PARD3B: variants seen among roughly 807,000 people sequenced by gnomAD.
The protein encoded by PARD3B is par-3 family cell polarity regulator beta, also known as partitioning defective 3 homolog B.
In PARD3B, 103 loss-of-function variants were observed where a neutral mutation model predicts 130.2. The ratio of observed to expected loss-of-function variants is 0.79; its 90% CI spans 0.67 to 0.93. PARD3B has a LOEUF of 0.93. PARD3B is among the 40% of genes least tolerant of loss of function. PARD3B has a pLI of 0.00. For missense variants in PARD3B, 1,609 were observed against 1,499.2 expected (o/e 1.07, Z -1.21); for synonymous variants, 583 against 553.2 (o/e 1.05, Z -0.76).
intron 10 of PARD3B, among the ~76,000 whole-genome samples, chr2:205,154,855 T>G (rs544085532): frequency 4.6e-5 from 7 of 151,998 alleles, no homozygotes; most frequent in Non-Finnish European, 1.0e-4. Flanking sequence ...ATGAGAACAG[T>G]TGGACACAGG....
At chr2:204,955,734 C>G (rs1238725200) in intron 2 of PARD3B, among the ~76,000 whole-genome samples, 1 of 152,100 alleles carries the variant, frequency 6.6e-6, no homozygotes, top group African/African-American at 2.4e-5. Context: ...AATACAGTGC[C>G]TAGCACATAG....
intron 13 of PARD3B, among the ~76,000 whole-genome samples, chr2:205,185,421 T>G (rs984635564): frequency 3.3e-5 from 5 of 152,204 alleles, no homozygotes; most frequent in Admixed American, 6.5e-5. Context: ...ACAAAAATAT[T>G]AAGGCATAAA....
At chr2:204,771,124 G>A (rs955151532) in intron 2 of PARD3B, among the ~76,000 whole-genome samples, 11 of 152,160 alleles carry the variant, frequency 7.2e-5, no homozygotes, top group Middle Eastern at 6.8e-3. Flanking sequence ...AGGAAACCAG[G>A]CCTTTGTTAG....
Position 205,269,286 on chromosome 2 carries a change from G to A in PARD3B, c.2185+23464G>A, listed in dbSNP as rs2040627721. On this transcript the variant is annotated intron_variant, in intron 16 of 22. Coordinates refer to ENST00000406610, the MANE Select transcript of PARD3B (RefSeq NM_001302769.2). The surrounding 1 kb of genome is among the most constrained non-coding windows in gnomAD (Gnocchi z 4.7). ...TGAGTATTTTATTCAAAACTTTTTG[G>A]TACTTAATCCTATAAAAATAATGAC... 6.6e-6 allele frequency among the ~76,000 whole-genome samples: 1 copy of A among 151,928 alleles called. No homozygotes were observed. The highest frequency in any genetic ancestry group is 1.5e-5 in the Non-Finnish European group (1 of 67,968).
At chr2:205,414,550 A>T (rs564227397) in intron 19 of PARD3B, among the ~76,000 whole-genome samples, 1 of 152,136 alleles carries the variant, frequency 6.6e-6, no homozygotes, top group Non-Finnish European at 1.5e-5. Flanking sequence ...AATTACCTTG[A>T]TTATAATAGT....
intron 8 of PARD3B, among the ~76,000 whole-genome samples, chr2:205,123,561 A>G (rs564423886): frequency 2.0e-5 from 3 of 152,072 alleles, no homozygotes; most frequent in South Asian, 2.1e-4. Context: ...TGGGAGGACA[A>G]TGAGTAAGAT....
intron 16 of PARD3B, among the ~76,000 whole-genome samples, chr2:205,262,711 T>G (rs1167485988): frequency 6.6e-6 from 1 of 152,072 alleles, no homozygotes; most frequent in African/African-American, 2.4e-5. Context: ...GAAGTCACAC[T>G]AAACACTATG....
intron 1 of PARD3B, among the ~76,000 whole-genome samples, chr2:204,605,226 G>A (rs1360680985): frequency 6.6e-6 from 1 of 152,038 alleles, no homozygotes; most frequent in African/African-American, 2.4e-5. Context: ...CAAGGAGAGG[G>A]GAATTAGACT....
In PARD3B at chr2:205,196,598, C is replaced by T. The variant is rs112771512; in HGVS notation, c.2140+3278C>T. 8.1e-3 allele frequency among the ~76,000 whole-genome samples: 1,225 copies of T among 151,888 alleles called. 17 individuals carry two copies. The highest frequency in any genetic ancestry group is 0.014 in the African/African-American group (574 of 41,444). On this transcript the variant is annotated intron_variant, in intron 15 of 22. Coordinates refer to ENST00000406610, the MANE Select transcript of PARD3B (RefSeq NM_001302769.2). Reference sequence around the variant, plus strand: ...TGGGTTATATGTTTATCTCATTTTCCTCTGGTACTTTTAGAGGCTTTAAAA... The same window carrying T: ...TGGGTTATATGTTTATCTCATTTTCTTCTGGTACTTTTAGAGGCTTTAAAA...
At chr2:205,123,430 G>A (rs1446700416) in intron 8 of PARD3B, among the ~76,000 whole-genome samples, 1 of 152,096 alleles carries the variant, frequency 6.6e-6, no homozygotes, top group Admixed American at 6.6e-5. Context: ...AGACATTGGA[G>A]CCATAGAGAT....
chr2:204,944,601 T>A (rs993328378), intron 2 of PARD3B, among the ~76,000 whole-genome samples: 1 of 152,236 alleles, frequency 6.6e-6, no homozygotes, highest in Admixed American at 6.5e-5. Context: ...GCTAATCAAC[T>A]ATTTTATAAT....
chr2:204,638,327 C>T (rs1489450062), intron 1 of PARD3B, among the ~76,000 whole-genome samples: 1 of 152,070 alleles, frequency 6.6e-6, no homozygotes, highest in East Asian at 1.9e-4. Context: ...TTTATTAAAG[C>T]GATTTCATAG....
At chr2:204,847,458 AGCTTCATTT>A in intron 2 of PARD3B, among the ~76,000 whole-genome samples, 1 of 152,304 alleles carries the variant, frequency 6.6e-6, no homozygotes, top group South Asian at 2.1e-4. Flanking sequence ...CTTTATCTAT[AGCTTCATTT>A]TCTGTGGTTT....
At chr2:204,938,184 A>G (rs1688613973) in intron 2 of PARD3B, among the ~76,000 whole-genome samples, 1 of 152,342 alleles carries the variant, frequency 6.6e-6, no homozygotes, top group Admixed American at 6.5e-5. Context: ...GAAAAAAGTC[A>G]TTGTGACAAA....
At position 205,394,398 on chromosome 2, in the gene PARD3B, C is replaced by T. The variant is rs75764304; in HGVS notation, c.2631-6615C>T. On this transcript the variant is annotated intron_variant, in intron 18 of 22. Coordinates refer to ENST00000406610, the MANE Select transcript of PARD3B (RefSeq NM_001302769.2). ...AAATGCCCTGGAATTCCTCTACTTTCTCTTTACCAGCTCCATAAACAAGCT... is the reference window on the plus strand; with the variant it reads ...AAATGCCCTGGAATTCCTCTACTTTTTCTTTACCAGCTCCATAAACAAGCT... 9.5e-3 allele frequency among the ~76,000 whole-genome samples: 1,451 copies of T among 152,260 alleles called. 26 individuals carry two copies. The highest frequency in any genetic ancestry group is 0.032 in the African/African-American group (1,346 of 41,546).
chr2:204,981,510 C>A, intron 3 of PARD3B, among the ~76,000 whole-genome samples: 1 of 152,188 alleles, frequency 6.6e-6, no homozygotes, highest in Non-Finnish European at 1.5e-5. Flanking sequence ...GTTGGTGGGC[C>A]AAGCATATGT....
intron 2 of PARD3B, among the ~76,000 whole-genome samples, chr2:204,829,386 G>A (rs550472635): frequency 6.6e-6 from 1 of 152,254 alleles, no homozygotes; most frequent in East Asian, 1.9e-4. Context: ...GTTATGACTG[G>A]GATCCCAGTT....
chr2:205,083,960 A>G (rs1022089630), intron 4 of PARD3B, among the ~76,000 whole-genome samples: 1 of 152,158 alleles, frequency 6.6e-6, no homozygotes, highest in Non-Finnish European at 1.5e-5. Context: ...ATTTATATAT[A>G]AATACTTCAG....
chr2:205,370,375 G>A (rs550386511), intron 18 of PARD3B, among the ~76,000 whole-genome samples: 28 of 152,280 alleles, frequency 1.8e-4, no homozygotes, highest in East Asian at 5.8e-4. Flanking sequence ...ATTGCAGAAA[G>A]TAGGAGAATC....
Sources: allele counts gnomAD v4.1 joint callset (sites outside exome capture counted in the v4.1 genomes callset), GRCh38; gene constraint gnomAD v4.1.1; non-coding constraint Gnocchi (gnomAD v3.1); transcripts MANE v1.5; gene names NCBI Gene and HGNC (gene_info 2026-07-23, HGNC 2026-07-21).